The following GAB2 variants were observed in gnomAD, a reference collection of about 807,000 sequenced individuals.
The protein encoded by GAB2 is GRB2-associated-binding protein 2.
GAB2 carries 26 observed loss-of-function variants against 65.5 expected under a neutral mutation model. The ratio of observed to expected loss-of-function variants is 0.40; its 90% CI spans 0.29 to 0.55. The LOEUF (loss-of-function observed/expected upper bound fraction) is 0.55, where lower values mean the gene tolerates loss of function less well. Ranked by LOEUF, GAB2 falls within the 20% of genes least tolerant of loss-of-function variation. GAB2 has a pLI of 0.53. For synonymous variants in GAB2, 321 were observed against 329.6 expected, an observed-to-expected ratio of 0.97 and a Z score of 0.28; for missense variants, 884 against 875.8, an observed-to-expected ratio of 1.01 and a Z score of -0.12.
intron 2 of GAB2, among the ~76,000 whole-genome samples, chr11:78,260,408 G>C (rs879745397): frequency 1.3e-5 from 2 of 152,130 alleles, no homozygotes; most frequent in Non-Finnish European, 2.9e-5. Flanking sequence ...TCTTTGGCTC[G>C]AGGCATCTCA....
At chr11:78,258,683 G>A (rs1865659106) in intron 2 of GAB2, among the ~76,000 whole-genome samples, 1 of 151,072 alleles carries the variant, frequency 6.6e-6, no homozygotes, top group African/African-American at 2.4e-5. Context: ...TTGCAGCCTC[G>A]ACCTCCTGGG....
In GAB2 at chr11:78,352,144, C is replaced by T. The variant is rs926444433; in HGVS notation, c.75+65502G>A. ...AGGAGAATCACTTGAATCCGGGAGG[C>T]GGAGGCTGCAGTAAGCCGAGATGGC... On this transcript the variant is annotated intron_variant, in intron 1 of 9. Transcript: ENST00000361507. 2.6e-5 allele frequency among the ~76,000 whole-genome samples: 4 copies of T among 152,108 alleles called. No individual in the cohort carries two copies. The East Asian group carries it at 5.8e-4, about 22-fold the overall frequency.
At chr11:78,401,052 G>A (rs1473067905) in intron 1 of GAB2, among the ~76,000 whole-genome samples, 3 of 151,214 alleles carry the variant, frequency 2.0e-5, no homozygotes, top group Non-Finnish European at 4.4e-5. Flanking sequence ...ATTCCATCCT[G>A]TCTTTTCTCT....
chr11:78,383,724 C>T (rs1462071927), intron 1 of GAB2, among the ~76,000 whole-genome samples: 1 of 152,088 alleles, frequency 6.6e-6, no homozygotes, highest in Non-Finnish European at 1.5e-5. Flanking sequence ...TGCCCCTGCA[C>T]TCCAGTCTGG....
At chr11:78,294,275 A>G (rs996358691) in intron 1 of GAB2, among the ~76,000 whole-genome samples, 1 of 152,154 alleles carries the variant, frequency 6.6e-6, no homozygotes, top group African/African-American at 2.4e-5. Context: ...ATAGTATTCC[A>G]TGGTGTATAT....
In GAB2 at chr11:78,240,428, T is replaced by C. The variant is rs550438655; in HGVS notation, c.620+9729A>G. 4.6e-5 allele frequency among the ~76,000 whole-genome samples: 7 copies of C among 152,268 alleles called. No homozygotes were observed. In the East Asian group the frequency reaches 7.7e-4, roughly 17 times the overall value. Reference sequence around the variant, plus strand: ...GAGCAGTGTCTGAGCTGAGACACCCTGCCCTACAGGCCAAACAACTCTAGT... The same window carrying C: ...GAGCAGTGTCTGAGCTGAGACACCCCGCCCTACAGGCCAAACAACTCTAGT... On this transcript the variant is annotated intron_variant, in intron 3 of 9. Coordinates refer to ENST00000361507, the MANE Select transcript of GAB2 (RefSeq NM_080491.3).
chr11:78,311,018 T>A (rs1256545141), intron 1 of GAB2, among the ~76,000 whole-genome samples: 2 of 152,230 alleles, frequency 1.3e-5, no homozygotes, highest in Non-Finnish European at 2.9e-5. Flanking sequence ...ATTAGCAATT[T>A]ACTTTCAAAC....
In GAB2 at chr11:78,383,508, G is replaced by A. The variant is rs1856723934; in HGVS notation, c.75+34138C>T. Among the ~76,000 whole-genome samples the A allele has an allele frequency of 2.7e-5, 4 of 148,962 alleles. No homozygotes were observed. The Admixed American group carries it at 2.7e-4, about 10-fold the overall frequency. On this transcript the variant is annotated intron_variant, in intron 1 of 9. Transcript: ENST00000361507. ...GTATGTAATCCTAATACTTTGGGAG[G>A]CGAGGTGGACAAAATCATTTGAGCC...
At chr11:78,358,196 C>CA (rs1473239555) in intron 1 of GAB2, among the ~76,000 whole-genome samples, 3 of 147,736 alleles carry the variant, frequency 2.0e-5, no homozygotes, top group African/African-American at 7.5e-5. Flanking sequence ...ATTGCAGGGA[C>CA]AAAAAACCAA....
chr11:78,315,801 C>G (rs1402653688), intron 1 of GAB2, among the ~76,000 whole-genome samples: 1 of 152,100 alleles, frequency 6.6e-6, no homozygotes, highest in African/African-American at 2.4e-5. Context: ...TATTAGGTGT[C>G]AACTTGATTG....
At position 78,220,264 on chromosome 11, in the gene GAB2, T is replaced by G; in HGVS notation, c.1887+55A>C. The G allele has an allele frequency of 1.9e-6, 3 of 1,603,608 alleles. No individual in the cohort carries two copies. The South Asian group carries it at 3.3e-5, about 18-fold the overall frequency. Reference sequence around the variant, plus strand: ...TGAAGGCACCCTGGCCTCCATGATCTCTGCCTCCGGGACCCTGAGAGCTCT... The same window carrying G: ...TGAAGGCACCCTGGCCTCCATGATCGCTGCCTCCGGGACCCTGAGAGCTCT... On this transcript the variant is annotated intron_variant, in intron 9 of 9. Transcript: ENST00000361507.
intron 1 of GAB2, among the ~76,000 whole-genome samples, chr11:78,349,661 A>C (rs1011534949): frequency 6.6e-6 from 1 of 152,216 alleles, no homozygotes; most frequent in African/African-American, 2.4e-5. Flanking sequence ...AATCCTCTCA[A>C]GTCAGGGAGT....
intron 1 of GAB2, among the ~76,000 whole-genome samples, chr11:78,350,236 A>C (rs1856255547): frequency 6.6e-6 from 1 of 152,212 alleles, no homozygotes; most frequent in Admixed American, 6.5e-5. Context: ...CAGAGAGAGA[A>C]ACCCTGGGAA....
chr11:78,272,498 A>C (rs1008061711), intron 2 of GAB2, among the ~76,000 whole-genome samples: 2 of 152,160 alleles, frequency 1.3e-5, no homozygotes, highest in African/African-American at 4.8e-5. Context: ...TGGAACTTTG[A>C]ACTTGAGAGA....
chr11:78,286,898 G>A (rs910169447), intron 1 of GAB2, among the ~76,000 whole-genome samples: 4 of 152,202 alleles, frequency 2.6e-5, no homozygotes, highest in Admixed American at 2.6e-4. Context: ...TACGGGACAT[G>A]AGTCCTGAAT....
rs149376843 is a variant in GAB2, at chr11:78,298,856, G to A, written c.76-17955C>T. Among the ~76,000 whole-genome samples the A allele has an allele frequency of 3.3e-3, 497 of 152,258 alleles. 3 individuals carry two copies. The highest frequency in any genetic ancestry group is 3.4e-3 in the Middle Eastern group (1 of 292). ...GGACAAAGGCTTCTCTCTCAGTCCC[G>A]CAGGCCCTCCAAAGACCTGGTTCCA... On this transcript the variant is annotated intron_variant, in intron 1 of 9. Coordinates refer to ENST00000361507, the MANE Select transcript of GAB2 (RefSeq NM_080491.3).
intron 2 of GAB2, among the ~76,000 whole-genome samples, chr11:78,259,795 C>T (rs1865685400): frequency 6.6e-6 from 1 of 152,116 alleles, no homozygotes; most frequent in African/African-American, 2.4e-5. Context: ...TAAGACTTGT[C>T]CAAGGCCACA....
chr11:78,232,991 C>T (rs1334886639), intron 3 of GAB2, among the ~76,000 whole-genome samples: 1 of 150,974 alleles, frequency 6.6e-6, no homozygotes, highest in African/African-American at 2.4e-5. Context: ...TTAGAGGAAA[C>T]ACAGGATTAA....
chr11:78,261,752 C>G (rs932675284), intron 2 of GAB2, among the ~76,000 whole-genome samples: 1 of 152,160 alleles, frequency 6.6e-6, no homozygotes, highest in Non-Finnish European at 1.5e-5. Flanking sequence ...GTGGCCTATG[C>G]TTTATGAGCT....
Sources: gnomAD v4.1 joint callset for allele counts (sites outside exome capture counted in the v4.1 genomes callset) on GRCh38, gnomAD v4.1.1 for gene constraint, MANE v1.5 for transcripts, NCBI Gene and HGNC (gene_info 2026-07-23, HGNC 2026-07-21) for gene names.